The following ZNF536 variants were observed in gnomAD, a reference collection of about 807,000 sequenced individuals.
ZNF536 encodes zinc finger protein 536.
A neutral mutation model predicts 84.5 loss-of-function variants in ZNF536; 13 were observed. That is an observed-to-expected ratio of 0.15 (90% confidence interval 0.10 to 0.24). The LOEUF is 0.24. Among genes scored for constraint, ZNF536 ranks in the 10% least tolerant of loss-of-function variants. The pLI is 1.00. For missense variants in ZNF536, 1,536 were observed against 1,747.5 expected (o/e 0.88, Z 2.16); for synonymous variants, 811 against 742.5 (o/e 1.09, Z -1.50).
chr19:30,665,498 T>A (rs2050281999), intron 1 of ZNF536: 6 of 152,204 alleles, frequency 3.9e-5, no homozygotes. Flanking sequence ...AGTTGAGAGA[T>A]CCATGGCCCT....
At chr19:30,419,250 T>C (rs1048722030) in intron 1 of ZNF536, among the ~76,000 whole-genome samples, 1 of 152,232 alleles carries the variant, frequency 6.6e-6, no homozygotes, top group African/African-American at 2.4e-5. Flanking sequence ...ATGGCTTTGA[T>C]GTAACCATTC....
chr19:30,418,126 G>A (rs554290329), intron 1 of ZNF536, among the ~76,000 whole-genome samples: 1 of 151,174 alleles, frequency 6.6e-6, no homozygotes, highest in Non-Finnish European at 1.5e-5. Flanking sequence ...AATCAGAAAC[G>A]AATACCCAAT....
At chr19:30,489,780 G>A (rs1244031217) in intron 2 of ZNF536, among the ~76,000 whole-genome samples, 1 of 152,178 alleles carries the variant, frequency 6.6e-6, no homozygotes, top group Non-Finnish European at 1.5e-5. Context: ...AGAATCTGAA[G>A]TTATTTTCAT....
At chr19:30,431,253 C>T (rs75791550) in intron 1 of ZNF536, among the ~76,000 whole-genome samples, 7,334 of 152,144 alleles carry the variant, frequency 0.048, 345 homozygotes, top group African/African-American at 0.12. Flanking sequence ...GAGGCCAGCC[C>T]GGCAGAGGCT....
rs139030111 is a variant in ZNF536 at position 30,433,579 on chromosome 19, C to T, written c.-2-9982C>T. On this transcript the variant is annotated intron_variant, in intron 1 of 4. Transcript: ENST00000355537. ...ATGGCGCGATCTCGGTTCACCACAA[C>T]CTCCGCCTCCTAGGTTCAAGCGATT... Among the ~76,000 whole-genome samples, 183 of 152,296 alleles carry T rather than the reference C, an allele frequency of 1.2e-3. 2 individuals carry two copies. Among genetic ancestry groups the T allele is most frequent in the African/African-American group, 4.4e-3 (181 of 41,556 alleles).
intron 2 of ZNF536, among the ~76,000 whole-genome samples, chr19:30,531,478 G>A (rs2044817413): frequency 1.3e-5 from 2 of 150,982 alleles, no homozygotes; most frequent in Non-Finnish European, 2.9e-5. Flanking sequence ...GGGGGTACAT[G>A]TGCAGGTGTG....
intron 1 of ZNF536, among the ~76,000 whole-genome samples, chr19:30,580,955 C>T (rs964220176): frequency 2.0e-5 from 3 of 152,174 alleles, no homozygotes; most frequent in Admixed American, 6.5e-5. Flanking sequence ...AGGAGCCCAT[C>T]GGTCCTCATT....
chr19:30,646,211 G>A (rs1040380188), intron 1 of ZNF536, among the ~76,000 whole-genome samples: 6 of 152,076 alleles, frequency 3.9e-5, no homozygotes, highest in South Asian at 2.1e-4. Context: ...TATTATTACC[G>A]TAATGTGACT....
At position 30,251,960 on chromosome 19, in the gene ZNF536, T is replaced by C. The variant is rs112690159; in HGVS notation, c.-190+23287T>C. On this transcript the variant is annotated intron_variant, in intron 1 of 5. Transcript: ENST00000585628. ...GTATTCCATTGCACATATATATATA[T>C]AGAAAAGAGCTTTTGCACAGCAAAA... Among the ~76,000 whole-genome samples the C allele has an allele frequency of 7.4e-3, 1,121 of 152,114 alleles. 9 individuals are homozygous for C. Among genetic ancestry groups the C allele is most frequent in the Non-Finnish European group, 0.012 (795 of 68,000 alleles).
chr19:30,700,677 C>T (rs770086497), intron 1 of ZNF536, among the ~76,000 whole-genome samples: 5 of 152,126 alleles, frequency 3.3e-5, no homozygotes, highest in South Asian at 2.1e-4. Context: ...CTGAGCCTCC[C>T]GTGGCCCTGA....
chr19:30,624,737 T>C (rs1407001932), intron 1 of ZNF536, among the ~76,000 whole-genome samples: 1 of 152,170 alleles, frequency 6.6e-6, no homozygotes. Flanking sequence ...TTTGGCTTTG[T>C]ATCCCCCACC....
rs141898598 is a variant in ZNF536 at position 30,376,827 on chromosome 19, A to G, written c.-3+4271A>G. 4.6e-3 allele frequency among the ~76,000 whole-genome samples: 695 copies of G among 152,164 alleles called. 9 individuals carry two copies. Among genetic ancestry groups the G allele is most frequent in the African/African-American group, 0.016 (646 of 41,520 alleles). ...CCGCCTGGCTCCCCCATTAAAGCAC[A>G]TGTGCCTCCCCCTGCCCCGACCCCA... On this transcript the variant is annotated intron_variant, in intron 1 of 4. Transcript: ENST00000355537.
intron 1 of ZNF536, among the ~76,000 whole-genome samples, chr19:30,660,280 G>A (rs2050077996): frequency 6.6e-6 from 1 of 152,116 alleles, no homozygotes; most frequent in African/African-American, 2.4e-5. Context: ...TTACAAAAAC[G>A]ACTGAGTGTC....
At chr19:30,325,320 C>T (rs1235165731) in intron 2 of ZNF536, among the ~76,000 whole-genome samples, 3 of 152,228 alleles carry the variant, frequency 2.0e-5, no homozygotes, top group Non-Finnish European at 4.4e-5. Context: ...GCCTGGAAGC[C>T]TCAGTGGCAT....
At chr19:30,517,187 T>A (rs2044114966) in intron 2 of ZNF536, among the ~76,000 whole-genome samples, 1 of 152,196 alleles carries the variant, frequency 6.6e-6, no homozygotes, top group South Asian at 2.1e-4. Context: ...CACTTGAAAG[T>A]CTGTTTCTCT....
At chr19:30,593,697 C>T (rs1473893297) in intron 1 of ZNF536, among the ~76,000 whole-genome samples, 3 of 152,164 alleles carry the variant, frequency 2.0e-5, no homozygotes, top group African/African-American at 4.8e-5. Flanking sequence ...CACCCACCCC[C>T]TTGGAAATTT....
At chr19:30,286,032 G>A (rs2045612906) in intron 2 of ZNF536, among the ~76,000 whole-genome samples, 1 of 152,112 alleles carries the variant, frequency 6.6e-6, no homozygotes, top group Non-Finnish European at 1.5e-5. Context: ...TGAAGACGAC[G>A]CAGGGCATCC....
At chr19:30,349,353 T>C (rs1329814676) in intron 2 of ZNF536, among the ~76,000 whole-genome samples, 1 of 152,192 alleles carries the variant, frequency 6.6e-6, no homozygotes, top group African/African-American at 2.4e-5. Context: ...GGTGTGAATG[T>C]CATCCCTCCC....
chr19:30,668,356 TC>T (rs1377107339), intron 1 of ZNF536, among the ~76,000 whole-genome samples: 1 of 152,068 alleles, frequency 6.6e-6, no homozygotes, highest in Non-Finnish European at 1.5e-5. Flanking sequence ...AGGGGCCCCT[TC>T]TAGAATTTTC....
Sources: allele counts gnomAD v4.1 joint callset (sites outside exome capture counted in the v4.1 genomes callset), GRCh38; gene constraint gnomAD v4.1.1; transcripts MANE v1.5; gene names NCBI Gene and HGNC (gene_info 2026-07-23, HGNC 2026-07-21).